HIBCH: variants seen among roughly 807,000 people sequenced by gnomAD.
The protein encoded by HIBCH is 3-hydroxyisobutyryl-CoA hydrolase, mitochondrial.
In HIBCH, 50 loss-of-function variants were observed where a neutral mutation model predicts 58.2. The ratio of observed to expected loss-of-function variants is 0.86; its 90% CI spans 0.68 to 1.09. HIBCH has a LOEUF of 1.09. Among genes scored for constraint, HIBCH ranks in the 50% least tolerant of loss-of-function variants. The pLI is 0.00. For missense variants in HIBCH, 450 were observed against 449.7 expected (o/e 1.00, Z -0.01); for synonymous variants, 151 against 146.9 (o/e 1.03, Z -0.20).
intron 1 of HIBCH, among the ~76,000 whole-genome samples, chr2:190,190,401 G>A (rs954352627): frequency 3.3e-5 from 5 of 152,162 alleles, no homozygotes; most frequent in Admixed American, 3.3e-4. Flanking sequence ...TAATTGTCAA[G>A]TTATATTCCA....
At chr2:190,272,853 G>A (rs1490186538) in intron 6 of HIBCH, among the ~76,000 whole-genome samples, 3 of 151,948 alleles carry the variant, frequency 2.0e-5, no homozygotes, top group East Asian at 3.9e-4. Flanking sequence ...AAGGGTAGAT[G>A]GAAATGGGGT....
intron 9 of HIBCH, among the ~76,000 whole-genome samples, chr2:190,248,465 GTC>G (rs1337612908): frequency 6.6e-6 from 1 of 152,152 alleles, no homozygotes; most frequent in Non-Finnish European, 1.5e-5. Flanking sequence ...TACTTCATCA[GTC>G]TCTACTGTCA....
At chr2:190,257,204 A>G (rs1287391035) in intron 7 of HIBCH, among the ~76,000 whole-genome samples, 1 of 152,234 alleles carries the variant, frequency 6.6e-6, no homozygotes. Context: ...AAAAAGACAC[A>G]GGAACAAAAA....
At chr2:190,267,767 G>A (rs1171750926) in intron 6 of HIBCH, among the ~76,000 whole-genome samples, 1 of 152,234 alleles carries the variant, frequency 6.6e-6, no homozygotes, top group African/African-American at 2.4e-5. Context: ...ATTGAGCTAA[G>A]CCATATCTTC....
chr2:190,294,572 G>C lies in HIBCH; in HGVS notation c.278C>G (p.Ala93Gly). 6.2e-7 allele frequency: 1 copy of C among 1,612,752 alleles called. No individual in the cohort carries two copies. The highest frequency in any genetic ancestry group is 8.5e-7 in the Non-Finnish European group (1 of 1,179,600). ...TCTGATATCACCCCCGGCACAGAAA[G>C]CCTTTCCTCCTGCTCCCTTTATAAT... ...LIIIKGAGGK[A>G]FCAGGDIRVI... Residue 93 changes from alanine (A) to glycine (G), a missense_variant, in exon 4 of 14, where the codon GCT becomes GGT. Transcript: ENST00000359678.
intron 2 of HIBCH, among the ~76,000 whole-genome samples, chr2:190,310,330 A>C (rs549401637): frequency 6.6e-6 from 1 of 152,328 alleles, no homozygotes; most frequent in East Asian, 1.9e-4. Context: ...ATGTGAGTCA[A>C]TTCTCCTTAA....
rs2105904406 is a variant in HIBCH, at chr2:190,215,607, A to G, written c.892-2532T>C. Reference sequence around the variant, plus strand: ...CCTGATATTACTAAGAAACTGCAAAAGGTTAATGGATGGAATGAAAAACCA... The same window carrying G: ...CCTGATATTACTAAGAAACTGCAAAGGGTTAATGGATGGAATGAAAAACCA... On this transcript the variant is annotated intron_variant, in intron 11 of 13. Transcript: ENST00000359678. This position sits in a 1 kb window ranked among gnomAD's most constrained non-coding sequence, Gnocchi z 4.4. 6.6e-6 allele frequency: 1 copy of G among 152,348 alleles called. No homozygotes were observed. Among genetic ancestry groups the G allele is most frequent in the South Asian group, 2.1e-4 (1 of 4,820 alleles). The allele number at this position is 152,348 out of a possible 1,614,324, so 9.4% of individuals were successfully genotyped here.
chr2:190,203,576 T>C (rs571741581), downstream of HIBCH: 1 of 153,586 alleles, frequency 6.5e-6, no homozygotes, highest in East Asian at 1.9e-4. Flanking sequence ...ATTTTCTGCA[T>C]TGTTAACAAA....
At chr2:190,282,948 T>G (rs568882608) in intron 6 of HIBCH, among the ~76,000 whole-genome samples, 9 of 151,826 alleles carry the variant, frequency 5.9e-5, no homozygotes, top group Non-Finnish European at 1.2e-4. Flanking sequence ...ACACCAAATT[T>G]AGAGTACAGA....
chr2:190,312,454 T>C (rs1267573296), intron 1 of HIBCH, among the ~76,000 whole-genome samples: 1 of 152,218 alleles, frequency 6.6e-6, no homozygotes, highest in East Asian at 1.9e-4. Flanking sequence ...TGCAGATACA[T>C]ATACCAACTA....
chr2:190,273,625 A>G lies in HIBCH; in HGVS notation c.439-12391T>C, dbSNP rs548589063. Among the ~76,000 whole-genome samples the G allele has an allele frequency of 3.9e-5, 6 of 151,990 alleles. No individual in the cohort carries two copies. In the East Asian group the frequency reaches 1.2e-3, roughly 29 times the overall value. On this transcript the variant is annotated intron_variant, in intron 6 of 13. Transcript: ENST00000359678. ...AGAAATCCAAGGGAAATTTCCCTCT[A>G]TTTTTCCTCTCTCAGCTCCTGCTGT... is the stretch of plus-strand genomic sequence containing the variant.
At chr2:190,213,922 T>C (rs993952931) in intron 11 of HIBCH, 2 of 152,184 alleles carry the variant, frequency 1.3e-5, no homozygotes, top group Non-Finnish European at 2.9e-5. Context: ...ACACCCAATC[T>C]TGCAAGACCG....
intron 7 of HIBCH, among the ~76,000 whole-genome samples, chr2:190,257,252 A>G (rs1020336682): frequency 6.6e-6 from 1 of 152,224 alleles, no homozygotes; most frequent in Non-Finnish European, 1.5e-5. Context: ...AAATTAAATG[A>G]GATGACAGTG....
chr2:190,309,111 G>A (rs909304161), intron 2 of HIBCH, among the ~76,000 whole-genome samples: 1 of 152,092 alleles, frequency 6.6e-6, no homozygotes, highest in African/African-American at 2.4e-5. Flanking sequence ...TGTAATACTT[G>A]ATTACATAGT....
At chr2:190,272,968 T>C (rs1687444114) in intron 6 of HIBCH, among the ~76,000 whole-genome samples, 1 of 151,900 alleles carries the variant, frequency 6.6e-6, no homozygotes, top group Non-Finnish European at 1.5e-5. Context: ...CAAAGGAACA[T>C]CACTTAGATG....
intron 11 of HIBCH, among the ~76,000 whole-genome samples, chr2:190,226,173 A>G (rs1338702556): frequency 6.6e-6 from 1 of 152,230 alleles, no homozygotes; most frequent in African/African-American, 2.4e-5. Context: ...CAAAAACTGG[A>G]AGCATTCCCT....
At position 190,275,169 on chromosome 2, in the gene HIBCH, G is replaced by A. The variant is rs898948569; in HGVS notation, c.438+12417C>T. ...TGGGGAACCAACTTCATTTCTATTC[G>A]AAAATGCAAGAGGTGGTGGAAAAAA... On this transcript the variant is annotated intron_variant, in intron 6 of 13. Transcript: ENST00000359678. Among the ~76,000 whole-genome samples the A allele has an allele frequency of 1.3e-4, 20 of 152,056 alleles. 1 individual carries two copies. The highest frequency in any genetic ancestry group is 1.2e-3 in the Admixed American group (19 of 15,270).
intron 6 of HIBCH, among the ~76,000 whole-genome samples, chr2:190,283,185 A>G (rs138025045): frequency 2.4e-3 from 369 of 152,338 alleles, no homozygotes; most frequent in African/African-American, 8.3e-3. Flanking sequence ...AGTCAATGTC[A>G]GTATGTTCAA....
In HIBCH at chr2:190,246,238, TA is replaced by T. The variant is rs1447255550; in HGVS notation, c.751-27del. 4 of 1,382,748 alleles carry T rather than the reference TA, an allele frequency of 2.9e-6. No individual in the cohort carries two copies. In the African/African-American group the frequency reaches 5.7e-5, roughly 20 times the overall value. 85.7% of individuals were successfully genotyped at this position (1,382,748 alleles called of 1,614,324 possible). Reference sequence around the variant, plus strand: ...CTGTTTGAAAAGAAAAATCTTTTAATAAATTTGAACACAATTTTTTAATCCT... The same window carrying T: ...CTGTTTGAAAAGAAAAATCTTTTAATAATTTGAACACAATTTTTTAATCCT... On this transcript the variant is annotated intron_variant, in intron 9 of 13. Transcript: ENST00000359678.
Sources: allele counts gnomAD v4.1 joint callset (sites outside exome capture counted in the v4.1 genomes callset), GRCh38; gene constraint gnomAD v4.1.1; non-coding constraint Gnocchi (gnomAD v3.1); transcripts MANE v1.5; gene names NCBI Gene and HGNC (gene_info 2026-07-23, HGNC 2026-07-21).